PRR16: variants seen among roughly 807,000 people sequenced by gnomAD.
The protein encoded by PRR16 is proline rich 16.
A neutral mutation model predicts 18.2 loss-of-function variants in PRR16; 6 were observed. The observed-to-expected ratio is 0.33, with a 90% CI of 0.18 to 0.65. The LOEUF is 0.65. Ranked by LOEUF, PRR16 falls within the 30% of genes least tolerant of loss-of-function variation. The probability of loss-of-function intolerance (pLI) is 0.74; values close to 1 mark genes in which losing one functional copy is unlikely to be tolerated. For synonymous variants in PRR16, 151 were observed against 147.8 expected, an observed-to-expected ratio of 1.02 and a Z score of -0.16; for missense variants, 412 against 376.6, an observed-to-expected ratio of 1.09 and a Z score of -0.78.
At chr5:120,737,883 GTTAT>G in the PRR16 span, among the ~76,000 whole-genome samples, 3 of 151,740 alleles carry the variant, frequency 2.0e-5, no homozygotes, top group Admixed American at 2.0e-4. Flanking sequence ...TTTTTGCTAG[GTTAT>G]TTATTTTGTT....
At chr5:120,728,699 T>C in the PRR16 span, among the ~76,000 whole-genome samples, 1 of 152,200 alleles carries the variant, frequency 6.6e-6, no homozygotes, top group African/African-American at 2.4e-5. Flanking sequence ...CTGGATGGCG[T>C]GCTTTTCTGC....
At chr5:120,538,845 G>A (rs1321507738) in intron 1 of PRR16, among the ~76,000 whole-genome samples, 1 of 152,208 alleles carries the variant, frequency 6.6e-6, no homozygotes, top group Non-Finnish European at 1.5e-5. Flanking sequence ...AGTAGGTTGA[G>A]CATGTGCAGC....
intron 1 of PRR16, among the ~76,000 whole-genome samples, chr5:120,522,838 G>C (rs1173609756): frequency 1.3e-5 from 2 of 151,954 alleles, no homozygotes; most frequent in Non-Finnish European, 2.9e-5. Flanking sequence ...GGATGGTCTC[G>C]ATCTCCTGAC....
At chr5:120,732,566 T>G in the PRR16 span, among the ~76,000 whole-genome samples, 1 of 152,208 alleles carries the variant, frequency 6.6e-6, no homozygotes, top group Non-Finnish European at 1.5e-5. Flanking sequence ...AACTATGTTT[T>G]TAAAACTCAT....
the PRR16 span, among the ~76,000 whole-genome samples, chr5:120,727,394 G>A: frequency 1.6e-4 from 25 of 152,026 alleles, no homozygotes; most frequent in African/African-American, 5.6e-4. Flanking sequence ...TGCCTAATCT[G>A]TATGTTCACA....
chr5:120,536,979 G>T (rs1449740315), intron 1 of PRR16, among the ~76,000 whole-genome samples: 1 of 152,128 alleles, frequency 6.6e-6, no homozygotes. Context: ...ACTTATAAGC[G>T]GGAGCTAAAT....
chr5:120,737,270 G>A, the PRR16 span, among the ~76,000 whole-genome samples: 1 of 142,126 alleles, frequency 7.0e-6, no homozygotes, highest in African/African-American at 2.6e-5. Flanking sequence ...TGGCTTTAGT[G>A]GGTTGAAGTA....
chr5:120,512,562 A>G (rs1361570891), intron 1 of PRR16, among the ~76,000 whole-genome samples: 1 of 152,150 alleles, frequency 6.6e-6, no homozygotes, highest in East Asian at 1.9e-4. Context: ...CTAGAATCAT[A>G]TGTTTTCCTA....
the PRR16 span, among the ~76,000 whole-genome samples, chr5:120,750,730 A>G: frequency 2.6e-5 from 4 of 152,116 alleles, no homozygotes; most frequent in Admixed American, 2.6e-4. Context: ...TTATTTTGAT[A>G]TAAGAATTCA....
chr5:120,666,242 T>C (rs201355823), intron 1 of PRR16, among the ~76,000 whole-genome samples: 33,201 of 151,154 alleles, frequency 0.22, 3,417 homozygotes, highest in African/African-American at 0.23. Flanking sequence ...AATTCACTCA[T>C]GATTTGGCTC....
intron 1 of PRR16, among the ~76,000 whole-genome samples, chr5:120,602,902 C>G (rs1171852429): frequency 6.6e-6 from 1 of 152,078 alleles, no homozygotes; most frequent in Non-Finnish European, 1.5e-5. Flanking sequence ...CATCGCATCT[C>G]AGGGATAAAG....
intron 1 of PRR16, among the ~76,000 whole-genome samples, chr5:120,636,987 A>C (rs1286266046): frequency 6.6e-6 from 1 of 152,056 alleles, no homozygotes; most frequent in Non-Finnish European, 1.5e-5. Flanking sequence ...TGTATAGACA[A>C]TTCTCAAAAG....
At chr5:120,582,885 C>G (rs1356680825) in intron 1 of PRR16, among the ~76,000 whole-genome samples, 1 of 152,200 alleles carries the variant, frequency 6.6e-6, no homozygotes, top group East Asian at 1.9e-4. Context: ...ATAAATCATT[C>G]TAAAGCAAGG....
the PRR16 span, among the ~76,000 whole-genome samples, chr5:120,761,211 C>T: frequency 5.9e-5 from 9 of 151,968 alleles, no homozygotes; most frequent in East Asian, 1.2e-3. Flanking sequence ...TGGTTCCCTC[C>T]ATATCTTCTG....
At chr5:120,734,337 C>CTG in the PRR16 span, among the ~76,000 whole-genome samples, 1,776 of 151,590 alleles carry the variant, frequency 0.012, 31 homozygotes, top group African/African-American at 0.039. Flanking sequence ...CTCTCTCTCT[C>CTG]TGTGTGTGTG....
At chr5:120,788,891 A>G in the PRR16 span, among the ~76,000 whole-genome samples, 1 of 151,934 alleles carries the variant, frequency 6.6e-6, no homozygotes, top group Non-Finnish European at 1.5e-5. Context: ...GTACTAAAAC[A>G]TTGTCTTGGT....
rs77076393 is a variant in PRR16, at chr5:120,628,577, C to T, written c.160-57377C>T. Reference sequence around the variant, plus strand: ...TTGTAGGTAAGAGAGATTAGATTTCCCCAGGATAAAGCAGATTTGTATCTT... The same window carrying T: ...TTGTAGGTAAGAGAGATTAGATTTCTCCAGGATAAAGCAGATTTGTATCTT... On this transcript the variant is annotated intron_variant, in intron 1 of 1. Coordinates refer to ENST00000407149, the MANE Select transcript of PRR16 (RefSeq NM_001300783.2). Among the ~76,000 whole-genome samples the T allele has an allele frequency of 2.0e-4, 30 of 152,044 alleles. No homozygotes were observed. The East Asian group carries it at 5.8e-3, about 29-fold the overall frequency.
chr5:120,598,200 T>C (rs1057409893), intron 1 of PRR16, among the ~76,000 whole-genome samples: 1 of 151,952 alleles, frequency 6.6e-6, no homozygotes. Flanking sequence ...AGGGCATGTG[T>C]GCAGATTTTT....
the PRR16 span, among the ~76,000 whole-genome samples, chr5:120,752,973 G>A: frequency 0.4 from 15,739 of 39,738 alleles, 1,042 homozygotes; most frequent in South Asian, 0.47. Flanking sequence ...AGATAAATTA[G>A]GATAATATTA....
Sources: allele counts gnomAD v4.1 joint callset (sites outside exome capture counted in the v4.1 genomes callset), GRCh38; gene constraint gnomAD v4.1.1; transcripts MANE v1.5; gene names NCBI Gene and HGNC (gene_info 2026-07-23, HGNC 2026-07-21).